ADAMTS2: variants seen among roughly 807,000 people sequenced by gnomAD.
The protein encoded by ADAMTS2 is ADAM metallopeptidase with thrombospondin type 1 motif 2, also known as A disintegrin and metalloproteinase with thrombospondin motifs 2.
Under a neutral mutation model 123.0 loss-of-function variants are expected in ADAMTS2, and 50 were observed. That is an observed-to-expected ratio of 0.41 (90% CI 0.32 to 0.51). The LOEUF is 0.51. Ranked by LOEUF, ADAMTS2 falls within the 20% of genes least tolerant of loss-of-function variation. The probability of loss-of-function intolerance (pLI) is 0.35; values close to 1 mark genes in which losing one functional copy is unlikely to be tolerated. For synonymous variants in ADAMTS2, 678 were observed against 695.4 expected, an observed-to-expected ratio of 0.98 and a Z score of 0.39; for missense variants, 1,494 against 1,705.2, an observed-to-expected ratio of 0.88 and a Z score of 2.18.
rs1440957655 is a variant in ADAMTS2, at chr5:179,343,841, T to C, written c.460A>G (p.Ser154Gly). ...GTTRVEPLLG[S>G]CLYVGDVAGL... ...GCCACGTCTCCGACGTAGAGACAGC[T>C]CCCGAGCAGGGGCTCCACGCGGGTG... Residue 154 changes from serine (S) to glycine (G), a missense_variant, in exon 2 of 22, where the codon AGC becomes GGC. Transcript: ENST00000251582. The C allele has an allele frequency of 6.2e-7, 1 of 1,605,414 alleles. No homozygotes were observed. The highest frequency in any genetic ancestry group is 2.3e-5 in the East Asian group (1 of 44,286).
At position 179,155,180 on chromosome 5, in the gene ADAMTS2, G is replaced by T. The variant is rs1475693548; in HGVS notation, c.1133-261C>A. On this transcript the variant is annotated intron_variant, in intron 6 of 21. Transcript: ENST00000251582. This position sits in a 1 kb window ranked among gnomAD's most constrained non-coding sequence, Gnocchi z 5.1. ...CCTGTAACAGCCACACTGCAGCTGG[G>T]GCCCTCTGCTTAGTCAGATGTCACC... Among the ~76,000 whole-genome samples the T allele has an allele frequency of 6.6e-6, 1 of 152,204 alleles. No individual in the cohort carries two copies. Among genetic ancestry groups the T allele is most frequent in the African/African-American group, 2.4e-5 (1 of 41,452 alleles).
intron 3 of ADAMTS2, among the ~76,000 whole-genome samples, chr5:179,233,866 G>A (rs1765468077): frequency 6.6e-6 from 1 of 152,092 alleles, no homozygotes; most frequent in Non-Finnish European, 1.5e-5. Flanking sequence ...CAGAGCAGCA[G>A]CCCAGTGTTA....
chr5:179,229,528 T>C (rs1160476643), intron 3 of ADAMTS2, among the ~76,000 whole-genome samples: 1 of 152,094 alleles, frequency 6.6e-6, no homozygotes, highest in East Asian at 1.9e-4. Context: ...TCCAGGTCAG[T>C]GGCATCCAGC....
rs1222385770 is a variant in ADAMTS2 at position 179,212,537 on chromosome 5, G to A, written c.689-4822C>T. 5.6e-5 allele frequency among the ~76,000 whole-genome samples: 8 copies of A among 142,944 alleles called. 1 individual carries two copies. Among genetic ancestry groups the A allele is most frequent in the Middle Eastern group, 3.8e-3 (1 of 260 alleles). The allele number at this position is 142,944 out of a possible 152,430, so 93.8% of individuals were successfully genotyped here. On this transcript the variant is annotated intron_variant, in intron 3 of 21. Transcript: ENST00000251582. Reference sequence around the variant, plus strand: ...GGGCAGGTGTGGGCTCCGAAGGCAGGTGCAGTGAGCAGGCGTGGGTCCTGA... The same window carrying A: ...GGGCAGGTGTGGGCTCCGAAGGCAGATGCAGTGAGCAGGCGTGGGTCCTGA...
rs548457411 is a variant in ADAMTS2 at position 179,227,342 on chromosome 5, C to T, written c.689-19627G>A. Among the ~76,000 whole-genome samples, 15 of 152,292 alleles carry T rather than the reference C, an allele frequency of 9.8e-5. No homozygotes were observed. In the South Asian group the frequency reaches 3.1e-3, roughly 32 times the overall value. On this transcript the variant is annotated intron_variant, in intron 3 of 21. Transcript: ENST00000251582. ...AGGCCAGGACTCTCCCAGCAGCTCCCCCAGGGGTCAGGGGCAGAGGGAGCC... is the reference window on the plus strand; with the variant it reads ...AGGCCAGGACTCTCCCAGCAGCTCCTCCAGGGGTCAGGGGCAGAGGGAGCC...
chr5:179,306,614 A>ACCCAGCC (rs1243083376), intron 2 of ADAMTS2, among the ~76,000 whole-genome samples: 1 of 152,130 alleles, frequency 6.6e-6, no homozygotes, highest in Non-Finnish European at 1.5e-5. Context: ...AGCACCCAGC[A>ACCCAGCC]CAGACCCTCA....
Position 179,158,675 on chromosome 5 carries a change from C to T in ADAMTS2, c.1132+48G>A, listed in dbSNP as rs1335236143. The T allele has an allele frequency of 6.2e-7, 1 of 1,613,396 alleles. No individual in the cohort carries two copies. The highest frequency in any genetic ancestry group is 2.2e-5 in the East Asian group (1 of 44,878). ...CCGGGGCCCCTTGCATGGCCAGGGGCTCATTTCCAGCTTCACGCCTCTGTG... is the reference window on the plus strand; with the variant it reads ...CCGGGGCCCCTTGCATGGCCAGGGGTTCATTTCCAGCTTCACGCCTCTGTG... On this transcript the variant is annotated intron_variant, in intron 6 of 21. Coordinates refer to ENST00000251582, the MANE Select transcript of ADAMTS2 (RefSeq NM_014244.5). The surrounding 1 kb of genome is among the most constrained non-coding windows in gnomAD (Gnocchi z 5.0).
chr5:179,156,785 T>C (rs1763480049), intron 6 of ADAMTS2, among the ~76,000 whole-genome samples: 1 of 152,242 alleles, frequency 6.6e-6, no homozygotes, highest in Non-Finnish European at 1.5e-5. Flanking sequence ...CTGGGAATAC[T>C]ACTTTTAAAA....
chr5:179,297,284 T>G (rs370907745), intron 2 of ADAMTS2, among the ~76,000 whole-genome samples: 1 of 152,130 alleles, frequency 6.6e-6, no homozygotes, highest in Non-Finnish European at 1.5e-5. Context: ...CAAATGAGTA[T>G]TCTTTACAAG....
At chr5:179,254,220 A>G (rs1441406742) in intron 3 of ADAMTS2, among the ~76,000 whole-genome samples, 4 of 152,250 alleles carry the variant, frequency 2.6e-5, no homozygotes, top group Admixed American at 1.3e-4. Context: ...CGCTGGGCAT[A>G]TGATGCTCCC....
intron 3 of ADAMTS2, among the ~76,000 whole-genome samples, chr5:179,254,624 C>T (rs186767065): frequency 7.7e-4 from 117 of 152,236 alleles, no homozygotes; most frequent in Admixed American, 2.4e-3. Flanking sequence ...GCAGATTAAG[C>T]CCACAAGAAT....
chr5:179,185,880 G>C lies in ADAMTS2; in HGVS notation c.892-4725C>G, dbSNP rs252075. Among the ~76,000 whole-genome samples, 47,081 of 151,806 alleles carry C rather than the reference G, an allele frequency of 0.31. 8,464 individuals carry two copies. Among genetic ancestry groups the C allele is most frequent in the Non-Finnish European group, 0.41 (27,725 of 67,866 alleles). Reference sequence around the variant, plus strand: ...GGGCTCCCTGGCTGCTGAGGAGCTAGAGAGGGCATGCCTGCAAATGCTCCC... The same window carrying C: ...GGGCTCCCTGGCTGCTGAGGAGCTACAGAGGGCATGCCTGCAAATGCTCCC... On this transcript the variant is annotated intron_variant, in intron 4 of 21. Coordinates refer to ENST00000251582, the MANE Select transcript of ADAMTS2 (RefSeq NM_014244.5). This position sits in a 1 kb window ranked among gnomAD's most constrained non-coding sequence, Gnocchi z 5.9.
At chr5:179,326,220 G>GTGTGTA (rs2113601714) in intron 2 of ADAMTS2, among the ~76,000 whole-genome samples, 1 of 152,052 alleles carries the variant, frequency 6.6e-6, no homozygotes, top group Non-Finnish European at 1.5e-5. Flanking sequence ...GTGTGTGTGT[G>GTGTGTA]TGTGTGTGTG....
At chr5:179,146,804 T>C (rs1370234909) in intron 10 of ADAMTS2, among the ~76,000 whole-genome samples, 1 of 152,182 alleles carries the variant, frequency 6.6e-6, no homozygotes, top group Non-Finnish European at 1.5e-5. Context: ...TCCCATTAAT[T>C]TTTATCTGAA....
chr5:179,311,488 T>G (rs972692335), intron 2 of ADAMTS2, among the ~76,000 whole-genome samples: 3 of 152,238 alleles, frequency 2.0e-5, no homozygotes, highest in African/African-American at 7.2e-5. Context: ...GGGACTCTCC[T>G]GCTTGACCAA....
intron 2 of ADAMTS2, among the ~76,000 whole-genome samples, chr5:179,321,651 T>C (rs1242734491): frequency 1.2e-5 from 1 of 80,304 alleles, no homozygotes; most frequent in East Asian, 3.8e-4. Flanking sequence ...CCCTAGGATG[T>C]GGAATCCACA....
Position 179,113,909 on chromosome 5 carries a change from G to T in ADAMTS2, c.3594C>A (p.Leu1198=). The T allele has an allele frequency of 6.2e-7, 1 of 1,614,098 alleles. No homozygotes were observed. The highest frequency in any genetic ancestry group is 2.2e-5 in the East Asian group (1 of 44,880). ...TCTCTTTCTTCCGCATCTCATCAAT[G>T]AGCTCTTGGATTCTTTGGTTTCTGG... ...EKTRNQRIQE[L]IDEMRKKEML... The change falls in exon 22 of 22, where the codon CTC becomes CTA. Residue 1198 remains leucine (L), a synonymous_variant. Coordinates refer to ENST00000251582, the MANE Select transcript of ADAMTS2 (RefSeq NM_014244.5).
At chr5:179,275,218 G>A (rs1481447859) in intron 2 of ADAMTS2, among the ~76,000 whole-genome samples, 1 of 152,128 alleles carries the variant, frequency 6.6e-6, no homozygotes, top group African/African-American at 2.4e-5. Flanking sequence ...TGGGTCTGGG[G>A]TCCTGGGGAG....
At position 179,208,240 on chromosome 5, in the gene ADAMTS2, T is replaced by C. The variant is rs959454794; in HGVS notation, c.689-525A>G. Reference sequence around the variant, plus strand: ...CAAAGGACTGGTGTCCCAGGTGTCATCGCCAGCTGTTATGACTGGGGAAAC... The same window carrying C: ...CAAAGGACTGGTGTCCCAGGTGTCACCGCCAGCTGTTATGACTGGGGAAAC... On this transcript the variant is annotated intron_variant, in intron 3 of 21. Transcript: ENST00000251582. Among the ~76,000 whole-genome samples, 5 of 108,426 alleles carry C rather than the reference T, an allele frequency of 4.6e-5. No individual in the cohort carries two copies. In the Admixed American group the frequency reaches 4.6e-4, roughly 10 times the overall value. 71.1% of individuals were successfully genotyped at this position (108,426 alleles called of 152,430 possible).
Sources: gnomAD v4.1 joint callset for allele counts (sites outside exome capture counted in the v4.1 genomes callset) on GRCh38, gnomAD v4.1.1 for gene constraint, Gnocchi (gnomAD v3.1) non-coding constraint, MANE v1.5 for transcripts, NCBI Gene and HGNC (gene_info 2026-07-23, HGNC 2026-07-21) for gene names.